Variants in CDC42BPA observed in about 807,000 individuals in gnomAD.
CDC42BPA encodes CDC42 binding protein kinase alpha, also known as serine/threonine-protein kinase MRCK alpha.
CDC42BPA carries 80 observed loss-of-function variants against 223.5 expected under a neutral mutation model. The observed-to-expected ratio is 0.36, with a 90% CI of 0.30 to 0.43. The LOEUF (loss-of-function observed/expected upper bound fraction) is 0.43, where lower values mean the gene tolerates loss of function less well. Among genes scored for constraint, CDC42BPA ranks in the 20% least tolerant of loss-of-function variants. The pLI is 1.00. For synonymous variants in CDC42BPA, 694 were observed against 718.6 expected, an observed-to-expected ratio of 0.97 and a Z score of 0.55; for missense variants, 1,743 against 2,099.9, an observed-to-expected ratio of 0.83 and a Z score of 3.32.
intron 1 of CDC42BPA, among the ~76,000 whole-genome samples, chr1:227,315,525 A>G (rs1399796756): frequency 6.6e-6 from 1 of 152,052 alleles, no homozygotes; most frequent in Non-Finnish European, 1.5e-5. Flanking sequence ...TTAAGGAACC[A>G]TAACTTAAGA....
intron 5 of CDC42BPA, among the ~76,000 whole-genome samples, chr1:227,178,761 C>G (rs1027164777): frequency 4.6e-5 from 7 of 152,210 alleles, no homozygotes; most frequent in African/African-American, 7.2e-5. Flanking sequence ...TCCCAAAATG[C>G]TGAGATTACA....
chr1:227,266,354 T>C (rs1017279241), intron 1 of CDC42BPA, among the ~76,000 whole-genome samples: 1 of 152,162 alleles, frequency 6.6e-6, no homozygotes, highest in African/African-American at 2.4e-5. Flanking sequence ...ATACGCTCTT[T>C]TAGGAGCTGT....
At chr1:227,047,524 T>C (rs576494920) in intron 23 of CDC42BPA, among the ~76,000 whole-genome samples, 1 of 152,306 alleles carries the variant, frequency 6.6e-6, no homozygotes, top group South Asian at 2.1e-4. Flanking sequence ...TTCTACCATA[T>C]GTAATACTTC....
At position 227,030,462 on chromosome 1, in the gene CDC42BPA, T is replaced by G. The variant is rs770878030; in HGVS notation, c.3784A>C (p.Arg1262=). The change falls in exon 29 of 37, where the codon AGA becomes CGA. Residue 1262 remains arginine, a synonymous_variant. Coordinates refer to ENST00000366766, the MANE Select transcript of CDC42BPA (RefSeq NM_001394014.1). ...TQAAAIIDHE[R]IALGNEEGLF... ...CCTTCTTCGTTTCCCAAAGCAATTCTTTCATGATCTATGTAAGACATGAAT... is the reference window on the plus strand; with the variant it reads ...CCTTCTTCGTTTCCCAAAGCAATTCGTTCATGATCTATGTAAGACATGAAT... The G allele has an allele frequency of 6.3e-7, 1 of 1,594,806 alleles. No individual in the cohort carries two copies. Among genetic ancestry groups the G allele is most frequent in the Non-Finnish European group, 8.6e-7 (1 of 1,167,890 alleles).
intron 6 of CDC42BPA, among the ~76,000 whole-genome samples, chr1:227,155,434 T>C (rs116180007): frequency 0.011 from 1,649 of 152,246 alleles, 33 homozygotes; most frequent in African/African-American, 0.037. Context: ...CAGGCAGCTA[T>C]CACCACACAG....
At chr1:227,230,646 C>CT (rs1677678183) in intron 2 of CDC42BPA, among the ~76,000 whole-genome samples, 1 of 151,936 alleles carries the variant, frequency 6.6e-6, no homozygotes, top group South Asian at 2.1e-4. Context: ...CAGAGGAATT[C>CT]TACTGATTTT....
chr1:227,170,022 C>T (rs1477350828), intron 5 of CDC42BPA, among the ~76,000 whole-genome samples: 1 of 152,156 alleles, frequency 6.6e-6, no homozygotes, highest in Non-Finnish European at 1.5e-5. Flanking sequence ...TAATATCTCT[C>T]ACTCCACATT....
chr1:226,990,106 C>T lies in CDC42BPA; in HGVS notation c.*4162G>A, dbSNP rs1660540128. ...AGTGATAGGCTAAAGCAGTATCTTC[C>T]CCTCCATCCACATTTGTCAGCATTA... On this transcript the variant is annotated 3_prime_UTR_variant, in exon 37 of 37. Coordinates refer to ENST00000366766, the MANE Select transcript of CDC42BPA (RefSeq NM_001394014.1). 6.6e-6 allele frequency: 1 copy of T among 152,294 alleles called. No homozygotes were observed. The highest frequency in any genetic ancestry group is 2.1e-4 in the South Asian group (1 of 4,824). 9.4% of individuals were successfully genotyped at this position (152,294 alleles called of 1,614,324 possible).
chr1:227,166,190 T>C (rs919763018), intron 5 of CDC42BPA, among the ~76,000 whole-genome samples: 3 of 152,236 alleles, frequency 2.0e-5, no homozygotes, highest in African/African-American at 7.2e-5. Flanking sequence ...TTACTCATTT[T>C]ATTCCATGGC....
chr1:227,156,738 A>T (rs1662891094), intron 6 of CDC42BPA, among the ~76,000 whole-genome samples: 2 of 152,180 alleles, frequency 1.3e-5, no homozygotes, highest in Non-Finnish European at 2.9e-5. Flanking sequence ...CAATTTAGAG[A>T]GGCAAACATC....
intron 17 of CDC42BPA, among the ~76,000 whole-genome samples, chr1:227,080,478 A>G (rs923294922): frequency 1.3e-5 from 2 of 152,186 alleles, no homozygotes; most frequent in Non-Finnish European, 2.9e-5. Context: ...ATGATACAAG[A>G]TAACAGTACA....
Position 227,226,250 on chromosome 1 carries a change from C to T in CDC42BPA, c.271-13031G>A, listed in dbSNP as rs571854970. ...GGATACATATACTTGGAGTCTACTC[C>T]GAGATTCCAAGTCAGAACCCAACTT... On this transcript the variant is annotated intron_variant, in intron 2 of 36. Transcript: ENST00000366766. 4.6e-5 allele frequency among the ~76,000 whole-genome samples: 7 copies of T among 152,270 alleles called. No individual in the cohort carries two copies. In the South Asian group the frequency reaches 8.3e-4, roughly 18 times the overall value.
intron 5 of CDC42BPA, chr1:227,183,358 C>T (rs1042784086): frequency 2.6e-5 from 4 of 152,146 alleles, no homozygotes; most frequent in African/African-American, 9.7e-5. Flanking sequence ...ATTCATTTTC[C>T]CCAGGCCCTG....
At chr1:227,221,677 G>T (rs920923284) in intron 2 of CDC42BPA, among the ~76,000 whole-genome samples, 1 of 150,226 alleles carries the variant, frequency 6.7e-6, no homozygotes, top group Non-Finnish European at 1.5e-5. Flanking sequence ...TGAATAAAAA[G>T]TTTGTTGGGC....
chr1:227,118,690 C>T (rs1571762371), intron 12 of CDC42BPA, among the ~76,000 whole-genome samples: 1 of 152,058 alleles, frequency 6.6e-6, no homozygotes, highest in East Asian at 1.9e-4. Flanking sequence ...GAGTAGAAAG[C>T]AGGAAGCATA....
In CDC42BPA at chr1:227,112,880, G is replaced by C; in HGVS notation, c.1681C>G (p.Gln561Glu). The change falls in exon 13 of 37, where the codon CAA becomes GAA. Residue 561 changes from glutamine (Q) to glutamate (E), a missense_variant. Transcript: ENST00000366766. ...TGTGCGTCTTTCAGCTCTTTGGATT[G>C]GTTTTTTAATCGCTCACTAGCCTGG... is the stretch of plus-strand genomic sequence containing the variant. Reference protein sequence around the residue: ...LVQASERLKNQSKELKDAHCQ... With the variant: ...LVQASERLKNESKELKDAHCQ... The C allele has an allele frequency of 6.2e-7, 1 of 1,613,858 alleles. No homozygotes were observed. The highest frequency in any genetic ancestry group is 2.2e-5 in the East Asian group (1 of 44,860).
chr1:227,169,802 G>A (rs1665770107), intron 5 of CDC42BPA, among the ~76,000 whole-genome samples: 1 of 152,106 alleles, frequency 6.6e-6, no homozygotes. Context: ...TTAGGATAAT[G>A]GTCTTTGTGC....
chr1:227,278,731 T>A (rs1031119241), intron 1 of CDC42BPA, among the ~76,000 whole-genome samples: 1 of 152,148 alleles, frequency 6.6e-6, no homozygotes, highest in African/African-American at 2.4e-5. Context: ...CATATATTAT[T>A]ATAATTATAA....
chr1:227,317,381 A>C lies in CDC42BPA; in HGVS notation c.-199T>G, dbSNP rs1694573421. On this transcript the variant is annotated 5_prime_UTR_variant, in exon 1 of 37. The change creates a premature stop within an existing upstream ORF in the 5' untranslated region. Transcript: ENST00000366766. ...CTGAAGCGTCTTCAATTTCACCCAT[A>C]TACATATATTTTGAGGGTAAATTAC... The C allele has an allele frequency of 2.0e-6, 1 of 496,764 alleles. No individual in the cohort carries two copies. Among genetic ancestry groups the C allele is most frequent in the African/African-American group, 2.0e-5 (1 of 51,102 alleles). 30.8% of individuals were successfully genotyped at this position (496,764 alleles called of 1,614,324 possible).
Sources: gnomAD v4.1 joint callset for allele counts (sites outside exome capture counted in the v4.1 genomes callset) on GRCh38, gnomAD v4.1.1 for gene constraint, MANE v1.5 for transcripts, NCBI Gene and HGNC (gene_info 2026-07-23, HGNC 2026-07-21) for gene names.